The following DIP2C variants were observed in gnomAD, a reference collection of about 807,000 sequenced individuals.
DIP2C encodes the protein disco-interacting protein 2 homolog C.
A neutral mutation model predicts 192.4 loss-of-function variants in DIP2C; 33 were observed. The observed-to-expected ratio is 0.17, with a 90% CI of 0.13 to 0.23. DIP2C has a LOEUF of 0.23. Ranked by LOEUF, DIP2C falls within the 10% of genes least tolerant of loss-of-function variation. The probability of loss-of-function intolerance (pLI) is 1.00; values close to 1 mark genes in which losing one functional copy is unlikely to be tolerated. For synonymous variants in DIP2C, 979 were observed against 864.1 expected (o/e 1.13, Z -2.33); for missense variants, 1,537 against 2,110.1 (o/e 0.73, Z 5.32).
chr10:620,077 G>C (rs1051097037), intron 1 of DIP2C, among the ~76,000 whole-genome samples: 1 of 152,218 alleles, frequency 6.6e-6, no homozygotes, highest in African/African-American at 2.4e-5. Context: ...ATTCACAGTA[G>C]TGATTGCGAT....
At chr10:562,847 C>G (rs1347073591) in intron 1 of DIP2C, among the ~76,000 whole-genome samples, 1 of 152,212 alleles carries the variant, frequency 6.6e-6, no homozygotes, top group Non-Finnish European at 1.5e-5. Flanking sequence ...CAGTGCACAA[C>G]CAGCAGTGAC....
chr10:278,702 G>C (rs1456145448), intron 36 of DIP2C, among the ~76,000 whole-genome samples: 1 of 152,236 alleles, frequency 6.6e-6, no homozygotes, highest in Non-Finnish European at 1.5e-5. Flanking sequence ...ATCTGGGATC[G>C]AGTCATCTTT....
Position 363,108 on chromosome 10 carries a change from G to T in DIP2C, c.2592+89C>A. ...GAAAAAGGGCCACCCCATGGGCAAA[G>T]CAACAGCTGGTCACACCATGATCTG... is the stretch of plus-strand genomic sequence containing the variant. On this transcript the variant is annotated intron_variant, in intron 21 of 36. Coordinates refer to ENST00000280886, the MANE Select transcript of DIP2C (RefSeq NM_014974.3). This position sits in a 1 kb window ranked among gnomAD's most constrained non-coding sequence, Gnocchi z 5.4. 8.2e-7 allele frequency: 1 copy of T among 1,213,718 alleles called. No individual in the cohort carries two copies. Among genetic ancestry groups the T allele is most frequent in the Non-Finnish European group, 1.2e-6 (1 of 858,106 alleles). 75.2% of individuals were successfully genotyped at this position (1,213,718 alleles called of 1,614,324 possible).
At chr10:606,453 G>A (rs916625161) in intron 1 of DIP2C, among the ~76,000 whole-genome samples, 6 of 151,312 alleles carry the variant, frequency 4.0e-5, no homozygotes, top group South Asian at 2.1e-4. Flanking sequence ...GGGATCTCTC[G>A]CCCCGCTGCG....
At chr10:547,532 AG>A (rs1168597590) in intron 1 of DIP2C, among the ~76,000 whole-genome samples, 1 of 152,222 alleles carries the variant, frequency 6.6e-6, no homozygotes, top group African/African-American at 2.4e-5. Context: ...GGTACCCAGC[AG>A]GGTTCACATT....
chr10:539,429 CTG>C (rs576886301), intron 1 of DIP2C, among the ~76,000 whole-genome samples: 48 of 152,288 alleles, frequency 3.2e-4, no homozygotes, highest in Non-Finnish European at 3.2e-4. Context: ...CTTGACATGA[CTG>C]AAAGTCTACA....
At chr10:341,028 C>T in intron 29 of DIP2C, 171 bp downstream of exon 29, 1 of 930,086 alleles carries the variant, frequency 1.1e-6, no homozygotes. Context: ...GTGCTGCTTT[C>T]CCCGAGAGCC....
chr10:567,266 G>A (rs913339748), intron 1 of DIP2C, among the ~76,000 whole-genome samples: 1 of 152,120 alleles, frequency 6.6e-6, no homozygotes, highest in Non-Finnish European at 1.5e-5. Context: ...TCAGCTCACT[G>A]CAACCTCTAC....
chr10:639,748 T>C (rs903375733), intron 1 of DIP2C, among the ~76,000 whole-genome samples: 8 of 152,218 alleles, frequency 5.3e-5, no homozygotes, highest in African/African-American at 1.4e-4. Flanking sequence ...GTGCCTGTTT[T>C]ACAGATTACA....
At position 651,117 on chromosome 10, in the gene DIP2C, C is replaced by A; in HGVS notation, c.85+38377G>T. 1.4e-6 allele frequency: 1 copy of A among 717,572 alleles called. No homozygotes were observed. The highest frequency in any genetic ancestry group is 2.0e-5 in the Admixed American group (1 of 50,026). The allele number at this position is 717,572 out of a possible 1,614,324, so 44.5% of individuals were successfully genotyped here. ...CAAACTCTCTCCTGGCCAGCTCTCG[C>A]CACACTCAGTCAATGTCCACTGGGG... On this transcript the variant is annotated intron_variant, in intron 1 of 36. Transcript: ENST00000280886. The surrounding 1 kb of genome is among the most constrained non-coding windows in gnomAD (Gnocchi z 4.1).
intron 1 of DIP2C, among the ~76,000 whole-genome samples, chr10:587,071 G>A (rs1026916542): frequency 3.3e-5 from 5 of 150,668 alleles, no homozygotes; most frequent in African/African-American, 1.2e-4. Context: ...GGCAAACAGT[G>A]CAGGGTCTAA....
At chr10:591,547 C>T (rs1254040924) in intron 1 of DIP2C, among the ~76,000 whole-genome samples, 1 of 151,866 alleles carries the variant, frequency 6.6e-6, no homozygotes, top group Non-Finnish European at 1.5e-5. Context: ...AATAAAACAT[C>T]ATGTTTAAAA....
chr10:532,495 G>A lies in DIP2C; in HGVS notation c.86-45965C>T, dbSNP rs1365523616. ...TTTCCACTGAGAAGACCTCGTTTCT[G>A]TCCATTTAGAATTGGTATTTTGTGT... On this transcript the variant is annotated intron_variant, in intron 1 of 36. Transcript: ENST00000280886. 2.0e-5 allele frequency among the ~76,000 whole-genome samples: 3 copies of A among 152,156 alleles called. 1 individual carries two copies. Among genetic ancestry groups the A allele is most frequent in the African/African-American group, 7.2e-5 (3 of 41,418 alleles).
chr10:337,210 G>T (rs1160291257), intron 29 of DIP2C, among the ~76,000 whole-genome samples: 4 of 148,380 alleles, frequency 2.7e-5, no homozygotes, highest in African/African-American at 7.4e-5. Context: ...GTCTGTGTGT[G>T]CAAGTGTGTG....
At chr10:688,549 G>C (rs896785660) in intron 1 of DIP2C, among the ~76,000 whole-genome samples, 1 of 152,066 alleles carries the variant, frequency 6.6e-6, no homozygotes, top group African/African-American at 2.4e-5. Flanking sequence ...ATAAATGTGA[G>C]ACGCGCCGGC....
rs577358303 is a variant in DIP2C, at chr10:303,684, C to T, written c.3986+6347G>A. On this transcript the variant is annotated intron_variant, in intron 32 of 36. Coordinates refer to ENST00000280886, the MANE Select transcript of DIP2C (RefSeq NM_014974.3). ...GATTACAGGCATGCGCCACCACGCC[C>T]GGCTGATTTTGTATTTTTAGTAGAG... Among the ~76,000 whole-genome samples, 18 of 151,982 alleles carry T rather than the reference C, an allele frequency of 1.2e-4. No individual in the cohort carries two copies. The East Asian group carries it at 3.1e-3, about 26-fold the overall frequency.
chr10:500,835 C>A (rs1271444877), intron 1 of DIP2C, among the ~76,000 whole-genome samples: 1 of 152,222 alleles, frequency 6.6e-6, no homozygotes, highest in South Asian at 2.1e-4. Flanking sequence ...TGTCTCCCCC[C>A]ATAGGTTTCA....
intron 1 of DIP2C, among the ~76,000 whole-genome samples, chr10:556,455 C>T (rs1237625334): frequency 6.8e-6 from 1 of 146,776 alleles, no homozygotes; most frequent in Non-Finnish European, 1.5e-5. Flanking sequence ...CCACACCTTC[C>T]CAAGAGGGGG....
In DIP2C at chr10:655,801, C is replaced by T. The variant is rs1053183253; in HGVS notation, c.85+33693G>A. 9.2e-5 allele frequency among the ~76,000 whole-genome samples: 14 copies of T among 152,174 alleles called. No homozygotes were observed. In the South Asian group the frequency reaches 2.9e-3, roughly 32 times the overall value. ...GTTACACTGTTTCTTCTATTCTATG[C>T]TACCCTATAGAACACTCTACTATTT... On this transcript the variant is annotated intron_variant, in intron 1 of 36. Coordinates refer to ENST00000280886, the MANE Select transcript of DIP2C (RefSeq NM_014974.3).
Sources: allele counts gnomAD v4.1 joint callset (sites outside exome capture counted in the v4.1 genomes callset), GRCh38; gene constraint gnomAD v4.1.1; non-coding constraint Gnocchi (gnomAD v3.1); transcripts MANE v1.5; gene names NCBI Gene and HGNC (gene_info 2026-07-23, HGNC 2026-07-21).